TFRC: variants seen among roughly 807,000 people sequenced by gnomAD.
The protein encoded by TFRC is transferrin receptor protein 1.
In TFRC, 35 loss-of-function variants were observed where a neutral mutation model predicts 85.8. The observed-to-expected ratio is 0.41, with a 90% CI of 0.31 to 0.54. TFRC has a LOEUF of 0.54. Among genes scored for constraint, TFRC ranks in the 20% least tolerant of loss-of-function variants. The pLI, the probability that TFRC is intolerant of heterozygous loss-of-function variation, is 0.31. For synonymous variants in TFRC, 362 were observed against 328.6 expected (o/e 1.10, Z -1.10); for missense variants, 828 against 921.5 (o/e 0.90, Z 1.31).
Position 196,065,402 on chromosome 3 carries a change from A to C in TFRC, c.1198+41T>G, listed in dbSNP as rs772527559. The C allele has an allele frequency of 2.8e-5, 25 of 880,596 alleles. 2 individuals carry two copies. In the South Asian group the frequency reaches 4.3e-4, roughly 15 times the overall value. The allele number at this position is 880,596 out of a possible 1,614,324, so 54.5% of individuals were successfully genotyped here. On this transcript the variant is annotated intron_variant, in intron 10 of 18. Coordinates refer to ENST00000360110, the MANE Select transcript of TFRC (RefSeq NM_001128148.3). ...CATCCTTAGGAACAGAAAAGAAAAC[A>C]AAAAAAAAGCGGGGCGGGGGGGGGG...
intron 6 of TFRC, among the ~76,000 whole-genome samples, 169 bp downstream of exon 6, chr3:196,071,227 T>G (rs1430917162): frequency 6.6e-6 from 1 of 152,112 alleles, no homozygotes; most frequent in African/African-American, 2.4e-5. Context: ...GGAAAGTGAT[T>G]AGAGAGAGAA....
At chr3:196,073,211 T>C (rs1473204669) in intron 4 of TFRC, among the ~76,000 whole-genome samples, 1 of 149,478 alleles carries the variant, frequency 6.7e-6, no homozygotes, top group Admixed American at 6.7e-5. Context: ...CACGTAAGAC[T>C]CCATCTCAAA....
chr3:196,071,979 TAA>T (rs753340924), intron 5 of TFRC, 22 bp downstream of exon 5: 4 of 1,598,152 alleles, frequency 2.5e-6, no homozygotes, highest in Non-Finnish European at 2.6e-6. Context: ...TGTATAAAAA[TAA>T]GTTTACCATC....
At chr3:196,078,523 G>A in intron 1 of TFRC, among the ~76,000 whole-genome samples, 1 of 151,894 alleles carries the variant, frequency 6.6e-6, no homozygotes, top group Non-Finnish European at 1.5e-5. Context: ...TGGGCGTGGT[G>A]GTGGGCACCT....
At chr3:196,062,233 C>G (rs1275876625) in intron 13 of TFRC, among the ~76,000 whole-genome samples, 2 of 150,114 alleles carry the variant, frequency 1.3e-5, no homozygotes, top group Non-Finnish European at 3.0e-5. Context: ...AAAAAAAAAG[C>G]TTTCTTCCAC....
chr3:196,062,076 A>G (rs1717327535), intron 13 of TFRC, among the ~76,000 whole-genome samples: 1 of 152,140 alleles, frequency 6.6e-6, no homozygotes, highest in African/African-American at 2.4e-5. Context: ...CCTGGGCAAC[A>G]TGGCAAAACC....
In TFRC at chr3:196,074,021, C is replaced by T; in HGVS notation, c.343G>A (p.Asp115Asn). 6.2e-7 allele frequency: 1 copy of T among 1,614,164 alleles called. No homozygotes were observed. Among genetic ancestry groups the T allele is most frequent in the Non-Finnish European group, 8.5e-7 (1 of 1,180,020 alleles). ...ESPVREEPGE[D>N]FPAARRLYWD... The stretch of plus-strand genomic sequence containing the variant: ...TATAAGCGACGTGCTGCAGGGAAGT[C>T]CTCTCCTGGCTCCTCCCTCACTGGA... Residue 115 changes from aspartate (D) to asparagine (N), a missense_variant, in exon 4 of 19, where the codon GAC becomes AAC. Asp to Asn is a conservative substitution (Grantham distance 23). Coordinates refer to ENST00000360110, the MANE Select transcript of TFRC (RefSeq NM_001128148.3).
At chr3:196,071,978 A>G (rs1052647597) in intron 5 of TFRC, 25 bp downstream of exon 5, 2 of 1,598,114 alleles carry the variant, frequency 1.3e-6, no homozygotes, top group Admixed American at 1.8e-5. Context: ...TTGTATAAAA[A>G]TAAGTTTACC....
intron 3 of TFRC, among the ~76,000 whole-genome samples, chr3:196,074,892 A>G (rs985490566): frequency 4.4e-4 from 65 of 148,870 alleles, no homozygotes; most frequent in Non-Finnish European, 6.6e-4. Context: ...AAAAAAAAAA[A>G]AAAAATTAGC....
chr3:196,070,836 T>A (rs1718137810), intron 6 of TFRC, among the ~76,000 whole-genome samples: 1 of 141,672 alleles, frequency 7.1e-6, no homozygotes, highest in South Asian at 2.4e-4. Context: ...TAACTGGACA[T>A]CTCAGCTACT....
At chr3:196,067,954 G>T in intron 8 of TFRC, 78 bp downstream of exon 8, 2 of 1,185,814 alleles carry the variant, frequency 1.7e-6, no homozygotes, top group Non-Finnish European at 2.5e-6. Context: ...GGAAGACACA[G>T]TGCTATTTCT....
chr3:196,069,179 G>A (rs1434185809), intron 7 of TFRC, among the ~76,000 whole-genome samples: 1 of 152,008 alleles, frequency 6.6e-6, no homozygotes, highest in African/African-American at 2.4e-5. Context: ...TGTATGTTTG[G>A]CTATTAATTT....
chr3:196,070,338 C>T (rs1718084532), intron 6 of TFRC, among the ~76,000 whole-genome samples: 1 of 151,218 alleles, frequency 6.6e-6, no homozygotes, highest in Non-Finnish European at 1.5e-5. Flanking sequence ...AATATCCGCT[C>T]ACTGCAACCT....
chr3:196,054,422 A>C (rs1013644415), intron 17 of TFRC, among the ~76,000 whole-genome samples: 5 of 152,154 alleles, frequency 3.3e-5, no homozygotes, highest in Non-Finnish European at 7.3e-5. Context: ...AAAATAAAAT[A>C]AAAATAAAAA....
At chr3:196,052,303 T>G in intron 18 of TFRC, 119 bp from the exon 19 acceptor site, 1 of 1,171,692 alleles carries the variant, frequency 8.5e-7, no homozygotes. Flanking sequence ...TTTTTTTTTT[T>G]TTTTTTTTTT....
intron 9 of TFRC, 68 bp downstream of exon 9, chr3:196,067,450 A>G (rs1278952903): frequency 2.1e-6 from 3 of 1,463,298 alleles, no homozygotes. Flanking sequence ...CATTTTAATC[A>G]ACATATTACC....
chr3:196,075,439 T>C (rs1718604249), intron 2 of TFRC, 79 bp from the exon 3 acceptor site: 1 of 1,375,132 alleles, frequency 7.3e-7, no homozygotes, highest in Non-Finnish European at 1.0e-6. Context: ...ATGCTTGTTA[T>C]TGGGCCATTA....
chr3:196,051,242 G>A lies in TFRC; in HGVS notation c.*700C>T, dbSNP rs1346705773. 2 of 218,416 alleles carry A rather than the reference G, an allele frequency of 9.2e-6. No homozygotes were observed. Among genetic ancestry groups the A allele is most frequent in the African/African-American group, 2.2e-5 (1 of 44,502 alleles). 13.5% of individuals were successfully genotyped at this position (218,416 alleles called of 1,614,324 possible). On this transcript the variant is annotated 3_prime_UTR_variant, in exon 19 of 19. Coordinates refer to ENST00000360110, the MANE Select transcript of TFRC (RefSeq NM_001128148.3). ...AAAAATAACAAAGAACTAAATGGAGGCTTATGGGGGAAGGGACAGAGGAAA... is the reference window on the plus strand; with the variant it reads ...AAAAATAACAAAGAACTAAATGGAGACTTATGGGGGAAGGGACAGAGGAAA...
At chr3:196,078,508 T>C (rs1718895412) in intron 1 of TFRC, among the ~76,000 whole-genome samples, 1 of 151,540 alleles carries the variant, frequency 6.6e-6, no homozygotes, top group African/African-American at 2.4e-5. Context: ...AATACAAAAA[T>C]TAGATGGGCG....
Sources: allele counts gnomAD v4.1 joint callset (sites outside exome capture counted in the v4.1 genomes callset), GRCh38; gene constraint gnomAD v4.1.1; transcripts MANE v1.5; gene names NCBI Gene and HGNC (gene_info 2026-07-23, HGNC 2026-07-21).